ATRNL1: variants seen among roughly 807,000 people sequenced by gnomAD.
The protein encoded by ATRNL1 is attractin-like protein 1.
A neutral mutation model predicts 182.7 loss-of-function variants in ATRNL1; 95 were observed. That is an observed-to-expected ratio of 0.52 (90% CI 0.44 to 0.62). ATRNL1 has a LOEUF of 0.62. Among genes scored for constraint, ATRNL1 ranks in the 20% least tolerant of loss-of-function variants. The pLI, the probability that ATRNL1 is intolerant of heterozygous loss-of-function variation, is 0.00. For missense variants in ATRNL1, 1,471 were observed against 1,679.5 expected (o/e 0.88, Z 2.17); for synonymous variants, 576 against 568.3 (o/e 1.01, Z -0.19).
chr10:115,891,105 TA>T (rs11299359), intron 28 of ATRNL1, among the ~76,000 whole-genome samples: 11,093 of 150,268 alleles, frequency 0.074, 1,304 homozygotes, highest in African/African-American at 0.25. Context: ...TTCCCCAGGT[TA>T]AAAAAAAAAT....
chr10:115,789,447 A>T (rs528576374), intron 27 of ATRNL1, among the ~76,000 whole-genome samples: 1 of 152,314 alleles, frequency 6.6e-6, no homozygotes, highest in South Asian at 2.1e-4. Flanking sequence ...AGCACAAATT[A>T]TAGTGTGCTT....
intron 28 of ATRNL1, among the ~76,000 whole-genome samples, chr10:115,914,436 G>T (rs540149739): frequency 6.6e-6 from 1 of 152,314 alleles, no homozygotes; most frequent in South Asian, 2.1e-4. Context: ...GGATTTGGGG[G>T]TATGGAATAG....
intron 9 of ATRNL1, among the ~76,000 whole-genome samples, chr10:115,218,734 G>A (rs1388107159): frequency 1.3e-5 from 2 of 152,178 alleles, no homozygotes; most frequent in African/African-American, 4.8e-5. Flanking sequence ...GAATGCAGTT[G>A]TTATTCTCTC....
intron 19 of ATRNL1, among the ~76,000 whole-genome samples, chr10:115,369,463 A>G (rs1295925976): frequency 6.6e-6 from 1 of 152,154 alleles, no homozygotes; most frequent in Non-Finnish European, 1.5e-5. Context: ...TTTGTGTAGT[A>G]TTCATCCATT....
chr10:115,242,061 T>C (rs1850445983), intron 10 of ATRNL1, among the ~76,000 whole-genome samples: 1 of 152,032 alleles, frequency 6.6e-6, no homozygotes, highest in South Asian at 2.1e-4. Flanking sequence ...AGATATGGAA[T>C]ACTGTTGAAT....
intron 21 of ATRNL1, 98 bp from the exon 22 acceptor site, chr10:115,461,843 T>C (rs1847811811): frequency 1.9e-6 from 1 of 528,718 alleles, no homozygotes; most frequent in Non-Finnish European, 3.2e-6. Context: ...ACAATAATCA[T>C]TTTTAATATC....
At chr10:115,311,063 AC>A (rs138467209) in intron 17 of ATRNL1, among the ~76,000 whole-genome samples, 8,185 of 152,140 alleles carry the variant, frequency 0.054, 723 homozygotes, top group African/African-American at 0.18. Context: ...TTAATTGTTA[AC>A]CCCAAAATCG....
At chr10:115,358,434 C>T (rs1856596961) in intron 19 of ATRNL1, among the ~76,000 whole-genome samples, 1 of 151,394 alleles carries the variant, frequency 6.6e-6, no homozygotes, top group Admixed American at 6.6e-5. Context: ...TCTATCATAT[C>T]TTTATTTTTT....
rs1396995574 is a variant in ATRNL1, at chr10:115,614,700, C to G, written c.3795+65164C>G. 3.3e-5 allele frequency among the ~76,000 whole-genome samples: 5 copies of G among 151,812 alleles called. No homozygotes were observed. The East Asian group carries it at 9.7e-4, about 29-fold the overall frequency. On this transcript the variant is annotated intron_variant, in intron 26 of 28. Transcript: ENST00000355044. ...ATTTGCTTTATACATCTGTGTGCTC[C>G]AGTGCGTGTGTGTGTGTGTGCATAT...
At chr10:115,377,214 C>G (rs907287853) in intron 19 of ATRNL1, among the ~76,000 whole-genome samples, 1 of 151,974 alleles carries the variant, frequency 6.6e-6, no homozygotes, top group Admixed American at 6.6e-5. Flanking sequence ...TGGGAGGGAC[C>G]CAGTGGGAGA....
chr10:115,322,384 G>A (rs1854628316), intron 18 of ATRNL1, among the ~76,000 whole-genome samples: 1 of 151,548 alleles, frequency 6.6e-6, no homozygotes, highest in South Asian at 2.1e-4. Flanking sequence ...AAACCATCAG[G>A]TATCATACCT....
At chr10:115,335,356 T>C (rs1385296226) in intron 19 of ATRNL1, among the ~76,000 whole-genome samples, 1 of 145,730 alleles carries the variant, frequency 6.9e-6, no homozygotes, top group Non-Finnish European at 1.5e-5. Flanking sequence ...GGTTAGATAA[T>C]TTTTTTTTAA....
intron 27 of ATRNL1, among the ~76,000 whole-genome samples, chr10:115,735,886 C>G (rs2532712): frequency 0.97 from 147,842 of 152,330 alleles, 71,891 homozygotes; most frequent in Middle Eastern, 1. Flanking sequence ...TGAACCCATG[C>G]ATAAGGGAAG....
intron 26 of ATRNL1, among the ~76,000 whole-genome samples, chr10:115,643,423 A>C (rs2133862577): frequency 6.6e-6 from 1 of 152,268 alleles, no homozygotes; most frequent in African/African-American, 2.4e-5. Context: ...GACCAGGAAA[A>C]GACTTTCTAG....
At chr10:115,248,129 A>G (rs1452478211) in intron 10 of ATRNL1, among the ~76,000 whole-genome samples, 1 of 152,208 alleles carries the variant, frequency 6.6e-6, no homozygotes, top group Non-Finnish European at 1.5e-5. Flanking sequence ...AGATGACAAT[A>G]GTTAACTATT....
chr10:115,864,271 G>GA lies in ATRNL1; in HGVS notation c.4018+16295dup, dbSNP rs527752228. ...AACAGAGTGAGACCCAGTGTCACAA[G>GA]AAAAAAAAAAAAAAAGAAGTGGGAG... is the stretch of plus-strand genomic sequence containing the variant. On this transcript the variant is annotated intron_variant, in intron 28 of 28. Transcript: ENST00000355044. Among the ~76,000 whole-genome samples the GA allele has an allele frequency of 5.7e-3, 506 of 89,214 alleles. 3 individuals carry two copies. Among genetic ancestry groups the GA allele is most frequent in the Middle Eastern group, 0.019 (3 of 158 alleles). The allele number at this position is 89,214 out of a possible 152,430, so 58.5% of individuals were successfully genotyped here.
chr10:115,571,513 A>G (rs937640277), intron 26 of ATRNL1, among the ~76,000 whole-genome samples: 3 of 152,150 alleles, frequency 2.0e-5, no homozygotes, highest in African/African-American at 2.4e-5. Flanking sequence ...TTACCCATCC[A>G]GACACTACTA....
intron 26 of ATRNL1, among the ~76,000 whole-genome samples, chr10:115,635,956 T>C (rs782277409): frequency 7.9e-5 from 12 of 152,118 alleles, no homozygotes; most frequent in Non-Finnish European, 1.3e-4. Flanking sequence ...ACAAAACTAA[T>C]CAGTATGTTA....
chr10:115,795,947 A>T (rs981262605), intron 27 of ATRNL1, among the ~76,000 whole-genome samples: 1 of 152,064 alleles, frequency 6.6e-6, no homozygotes, highest in African/African-American at 2.4e-5. Flanking sequence ...CCCCACACGG[A>T]TCCCTCCTTA....
Sources: gnomAD v4.1 joint callset for allele counts (sites outside exome capture counted in the v4.1 genomes callset) on GRCh38, gnomAD v4.1.1 for gene constraint, MANE v1.5 for transcripts, NCBI Gene and HGNC (gene_info 2026-07-23, HGNC 2026-07-21) for gene names.